The following SCIN variants were observed in gnomAD, a reference collection of about 807,000 sequenced individuals.
The protein encoded by SCIN is scinderin.
Under a neutral mutation model 91.8 loss-of-function variants are expected in SCIN, and 91 were observed. That is an observed-to-expected ratio of 0.99 (90% CI 0.84 to 1.18). The LOEUF is 1.18. Ranked by LOEUF, SCIN falls within the 50% of genes most tolerant of loss-of-function variation. SCIN has a pLI of 0.00. For synonymous variants in SCIN, 367 were observed against 312.6 expected, an observed-to-expected ratio of 1.17 and a Z score of -1.84; for missense variants, 1,087 against 863.9, an observed-to-expected ratio of 1.26 and a Z score of -3.24.
At chr7:12,628,255 C>G (rs1247248061) in intron 8 of SCIN, among the ~76,000 whole-genome samples, 1 of 152,114 alleles carries the variant, frequency 6.6e-6, no homozygotes, top group African/African-American at 2.4e-5. Flanking sequence ...CTGGATGGCA[C>G]CTTTTAAAAA....
chr7:12,626,127 C>A (rs1195253413), intron 7 of SCIN: 3 of 377,716 alleles, frequency 7.9e-6, no homozygotes, highest in Non-Finnish European at 1.4e-5. Flanking sequence ...TAGCTAAGAG[C>A]ACTTAAGAGT....
At chr7:12,642,405 G>A (rs1263731738) in intron 11 of SCIN, among the ~76,000 whole-genome samples, 2 of 151,958 alleles carry the variant, frequency 1.3e-5, no homozygotes, top group Non-Finnish European at 2.9e-5. Context: ...GGCTGTAACA[G>A]AAACCTCCTG....
chr7:12,609,044 A>T (rs747584105), intron 4 of SCIN, among the ~76,000 whole-genome samples: 1 of 152,180 alleles, frequency 6.6e-6, no homozygotes, highest in Admixed American at 6.5e-5. Context: ...TATTTCAGCT[A>T]TTGATCACAG....
At chr7:12,650,801 A>G (rs1208822110) in intron 14 of SCIN, among the ~76,000 whole-genome samples, 1 of 152,174 alleles carries the variant, frequency 6.6e-6, no homozygotes, top group Non-Finnish European at 1.5e-5. Context: ...TTGTACCAAC[A>G]TCTTATAGGG....
At chr7:12,626,869 C>A in intron 8 of SCIN, 70 bp downstream of exon 8, 2 of 1,326,624 alleles carry the variant, frequency 1.5e-6, no homozygotes, top group Non-Finnish European at 2.1e-6. Flanking sequence ...TGGGGGAGAT[C>A]ACTTGAGGAC....
intron 3 of SCIN, among the ~76,000 whole-genome samples, chr7:12,587,326 T>C (rs1782608069): frequency 6.6e-6 from 1 of 152,164 alleles, no homozygotes; most frequent in African/African-American, 2.4e-5. Context: ...AGGGGACATA[T>C]ATGTAATATT....
At chr7:12,607,230 C>A (rs1433643570) in intron 4 of SCIN, among the ~76,000 whole-genome samples, 2 of 152,186 alleles carry the variant, frequency 1.3e-5, no homozygotes, top group East Asian at 1.9e-4. Context: ...AAAATGGCTT[C>A]TCCAGTCCCT....
At chr7:12,571,970 C>G (rs566831197) in intron 1 of SCIN, among the ~76,000 whole-genome samples, 3 of 152,176 alleles carry the variant, frequency 2.0e-5, no homozygotes, top group Admixed American at 6.5e-5. Context: ...ACTAGCTAGC[C>G]TGCCCAGTAC....
rs978672295 is a variant in SCIN, at chr7:12,651,404, G to A, written c.1960-437G>A. 7.9e-5 allele frequency among the ~76,000 whole-genome samples: 12 copies of A among 152,152 alleles called. No homozygotes were observed. Among genetic ancestry groups the A allele is most frequent in the East Asian group, 1.9e-4 (1 of 5,194 alleles). ...TTCCCCTACAAAAGGCAGATTTGCA[G>A]GGCTATTTCTGTTTGCAAGTCCTCT... On this transcript the variant is annotated intron_variant, in intron 14 of 15. Coordinates refer to ENST00000297029, the MANE Select transcript of SCIN (RefSeq NM_001112706.3). This position sits in a 1 kb window ranked among gnomAD's most constrained non-coding sequence, Gnocchi z 5.9.
At position 12,656,563 on chromosome 7, in the gene SCIN, G is replaced by C. The variant is rs1022487260; in HGVS notation, c.*3848G>C. 1 of 151,972 alleles carries C rather than the reference G, an allele frequency of 6.6e-6. No individual in the cohort carries two copies. Among genetic ancestry groups the C allele is most frequent in the Non-Finnish European group, 1.5e-5 (1 of 68,002 alleles). The allele number at this position is 151,972 out of a possible 1,614,324, so 9.4% of individuals were successfully genotyped here. A position where few individuals can be genotyped will look rare whatever the true frequency, so the allele number is the denominator to read the frequency against. ...CCGTGTTCTTGCTCTTGGATAAAACGGACAACTCAGAGAAAAAACTGGCTT... is the reference window on the plus strand; with the variant it reads ...CCGTGTTCTTGCTCTTGGATAAAACCGACAACTCAGAGAAAAAACTGGCTT... On this transcript the variant is annotated 3_prime_UTR_variant, in exon 16 of 16. Transcript: ENST00000297029.
intron 12 of SCIN, 81 bp downstream of exon 12, chr7:12,644,396 A>G (rs1025110672): frequency 6.7e-7 from 1 of 1,485,046 alleles, no homozygotes; most frequent in Non-Finnish European, 9.0e-7. Context: ...CCAAAAAGTC[A>G]CTTTCTAATG....
intron 3 of SCIN, among the ~76,000 whole-genome samples, chr7:12,601,885 A>T (rs910434078): frequency 6.6e-6 from 1 of 152,162 alleles, no homozygotes; most frequent in African/African-American, 2.4e-5. Context: ...CATTTTTCTT[A>T]ATTTTTAACT....
rs1784147639 is a variant in SCIN, at chr7:12,655,253, C to T, written c.*2538C>T. On this transcript the variant is annotated 3_prime_UTR_variant, in exon 16 of 16. Transcript: ENST00000297029. ...GTTGTATTATTTTATTGTTTTTCCC[C>T]AAATAGTTTTGATCCGCAGATGTAG... 1 of 151,844 alleles carries T rather than the reference C, an allele frequency of 6.6e-6. No individual in the cohort carries two copies. Among genetic ancestry groups the T allele is most frequent in the African/African-American group, 2.4e-5 (1 of 41,308 alleles). 9.4% of individuals were successfully genotyped at this position (151,844 alleles called of 1,614,324 possible). A position where few individuals can be genotyped will look rare whatever the true frequency, so the allele number is the denominator to read the frequency against.
rs890441186 is a variant in SCIN, at chr7:12,658,034, G to C, written c.*5319G>C. The C allele has an allele frequency of 6.6e-6, 1 of 152,002 alleles. No homozygotes were observed. Among genetic ancestry groups the C allele is most frequent in the Non-Finnish European group, 1.5e-5 (1 of 67,982 alleles). 9.4% of individuals were successfully genotyped at this position (152,002 alleles called of 1,614,324 possible). A position where few individuals can be genotyped will look rare whatever the true frequency, so the allele number is the denominator to read the frequency against. ...TACTAAAAATGTCTCATCATAAATT[G>C]TTTTCCATTATTTCTGTGCTGATTG... On this transcript the variant is annotated 3_prime_UTR_variant, in exon 16 of 16. Transcript: ENST00000297029.
chr7:12,602,563 C>T (rs539963026), intron 3 of SCIN, among the ~76,000 whole-genome samples: 1 of 152,134 alleles, frequency 6.6e-6, no homozygotes, highest in Non-Finnish European at 1.5e-5. Context: ...AAGACAGACA[C>T]TCCCAGAGCG....
intron 1 of SCIN, chr7:12,577,523 C>A (rs1326435682): frequency 4.4e-6 from 2 of 456,028 alleles, no homozygotes; most frequent in South Asian, 3.1e-5. Context: ...AACAGTGTTT[C>A]TTTTTAAAAT....
Position 12,626,648 on chromosome 7 carries a change from A to G in SCIN, c.1046A>G (p.Asp349Gly), listed in dbSNP as rs1783527468. The G allele has an allele frequency of 3.2e-6, 5 of 1,556,356 alleles. No homozygotes were observed. The highest frequency in any genetic ancestry group is 1.2e-5 in the South Asian group (1 of 84,366). The change falls in exon 8 of 16, where the codon GAT becomes GGT. Residue 349 changes from aspartate (D) to glycine (G), a missense_variant. Transcript: ENST00000297029. ...AAACAGTTTTTTAAGGACTGGAGAGATAAAGATCAGAGTGATGGCTTCGGG... is the reference window on the plus strand; with the variant it reads ...AAACAGTTTTTTAAGGACTGGAGAGGTAAAGATCAGAGTGATGGCTTCGGG... ...IFKQFFKDWRDKDQSDGFGKV... is the reference protein window; with the variant it reads ...IFKQFFKDWRGKDQSDGFGKV...
chr7:12,594,323 G>A (rs918242327), intron 3 of SCIN, among the ~76,000 whole-genome samples: 1 of 152,076 alleles, frequency 6.6e-6, no homozygotes, highest in Admixed American at 6.5e-5. Context: ...GTCTGTGGGT[G>A]GGGTGACGGG....
At chr7:12,649,325 T>A (rs1347727778) in intron 13 of SCIN, 142 bp from the exon 14 acceptor site, 1 of 493,774 alleles carries the variant, frequency 2.0e-6, no homozygotes, top group Non-Finnish European at 3.5e-6. Flanking sequence ...TATTTAAATT[T>A]TTATTACGTG....
Sources: allele counts gnomAD v4.1 joint callset (sites outside exome capture counted in the v4.1 genomes callset), GRCh38; gene constraint gnomAD v4.1.1; non-coding constraint Gnocchi (gnomAD v3.1); transcripts MANE v1.5; gene names NCBI Gene and HGNC (gene_info 2026-07-23, HGNC 2026-07-21).